Variants in CHD3 observed in about 807,000 individuals in gnomAD.
CHD3 encodes ATP-dependent chromatin remodeler CHD3.
A neutral mutation model predicts 248.9 loss-of-function variants in CHD3; 52 were observed. The ratio of observed to expected loss-of-function variants is 0.21; its 90% CI spans 0.17 to 0.26. CHD3 has a LOEUF of 0.26. Among genes scored for constraint, CHD3 ranks in the 10% least tolerant of loss-of-function variants. CHD3 has a pLI of 1.00. For missense variants in CHD3, 1,482 were observed against 2,605.8 expected, an observed-to-expected ratio of 0.57 and a Z score of 9.39; for synonymous variants, 985 against 985.2, an observed-to-expected ratio of 1.00 and a Z score of 0.00.
At chr17:7,887,153 C>A (rs1479938149), upstream of CHD3, among the ~76,000 whole-genome samples, 2 of 152,044 alleles carry the variant, frequency 1.3e-5, no homozygotes, top group African/African-American at 4.8e-5. Context: ...AAAGAACCCT[C>A]CTCTAAGGAA....
chr17:7,898,210 C>T, intron 12 of CHD3, 108 bp downstream of exon 12: 2 of 1,344,634 alleles, frequency 1.5e-6, no homozygotes, highest in Non-Finnish European at 2.1e-6. Context: ...ACCTGGAGTT[C>T]AGGGCAATGG....
Position 7,906,268 on chromosome 17 carries a change from C to T in CHD3, c.4358+279C>T, listed in dbSNP as rs1412545290. The T allele has an allele frequency of 2.9e-6, 2 of 699,012 alleles. No individual in the cohort carries two copies. Among genetic ancestry groups the T allele is most frequent in the Admixed American group, 4.1e-5 (2 of 48,658 alleles). The allele number at this position is 699,012 out of a possible 1,614,324, so 43.3% of individuals were successfully genotyped here. A position where few individuals can be genotyped will look rare whatever the true frequency, so the allele number is the denominator to read the frequency against. ...TGTCCTAGCCTCACATTTACTTGACCACAATAACCTGGCAGGAGGAGCTGG... is the reference window on the plus strand; with the variant it reads ...TGTCCTAGCCTCACATTTACTTGACTACAATAACCTGGCAGGAGGAGCTGG... On this transcript the variant is annotated intron_variant, in intron 28 of 39. Transcript: ENST00000330494. This position sits in a 1 kb window ranked among gnomAD's most constrained non-coding sequence, Gnocchi z 5.0.
chr17:7,885,170 G>A, upstream of CHD3: 1 of 980,900 alleles, frequency 1.0e-6, no homozygotes, highest in Non-Finnish European at 1.2e-6. Flanking sequence ...CCCACCGCGC[G>A]GCCGAGCCGA....
Position 7,893,565 on chromosome 17 carries a change from C to G in CHD3, c.789C>G (p.Gly263=). The G allele has an allele frequency of 6.4e-7, 1 of 1,556,210 alleles. No homozygotes were observed. The highest frequency in any genetic ancestry group is 1.2e-5 in the South Asian group (1 of 85,156). Residue 263 remains glycine, a synonymous_variant, in exon 5 of 40, where the codon GGC becomes GGG. Coordinates refer to ENST00000330494, the MANE Select transcript of CHD3 (RefSeq NM_001005273.3). ...TCCGAAGAGCCAAAACCAAAGAGGGCAAAGGTAGGGAACTCTCTTCCAACA... is the reference window on the plus strand; with the variant it reads ...TCCGAAGAGCCAAAACCAAAGAGGGGAAAGGTAGGGAACTCTCTTCCAACA... ...PPIRRAKTKE[G]KGPGHKRRSK...
rs1968472369 is a variant in CHD3, at chr17:7,889,284, G to C, written c.100+184G>C. Among the ~76,000 whole-genome samples the C allele has an allele frequency of 6.6e-6, 1 of 152,272 alleles. No individual in the cohort carries two copies. Among genetic ancestry groups the C allele is most frequent in the Non-Finnish European group, 1.5e-5 (1 of 68,040 alleles). ...CTGGGGTCAGGCCAGGCCAGCAGCTGGGCATGGCTTCCCCAGTTCCTGGGC... is the reference window on the plus strand; with the variant it reads ...CTGGGGTCAGGCCAGGCCAGCAGCTCGGCATGGCTTCCCCAGTTCCTGGGC... On this transcript the variant is annotated intron_variant, in intron 1 of 39. Transcript: ENST00000330494. This position sits in a 1 kb window ranked among gnomAD's most constrained non-coding sequence, Gnocchi z 4.5.
upstream of CHD3, among the ~76,000 whole-genome samples, chr17:7,887,693 G>C (rs2151436007): frequency 6.6e-6 from 1 of 152,256 alleles, no homozygotes; most frequent in African/African-American, 2.4e-5. Flanking sequence ...GCGAGGCTTC[G>C]GCCGAGACTC....
rs761018482 is a variant in CHD3, at chr17:7,893,794, T to G, written c.794-11T>G. The G allele has an allele frequency of 1.9e-6, 3 of 1,612,842 alleles. No homozygotes were observed. Among genetic ancestry groups the G allele is most frequent in the East Asian group, 4.5e-5 (2 of 44,848 alleles). Reference sequence around the variant, plus strand: ...TCCTTTTTCCTCTTCTCACCCCGACTCCTCATTCAGGTCCAGGCCATAAGA... The same window carrying G: ...TCCTTTTTCCTCTTCTCACCCCGACGCCTCATTCAGGTCCAGGCCATAAGA... On this transcript the variant is annotated splice_polypyrimidine_tract_variant and intron_variant, in intron 5 of 39. Coordinates refer to ENST00000330494, the MANE Select transcript of CHD3 (RefSeq NM_001005273.3).
At position 7,910,450 on chromosome 17, in the gene CHD3, G is replaced by A. The variant is rs757915205; in HGVS notation, c.5613G>A (p.Leu1871=). 2 of 1,614,046 alleles carry A rather than the reference G, an allele frequency of 1.2e-6. No individual in the cohort carries two copies. The highest frequency in any genetic ancestry group is 2.2e-5 in the East Asian group (1 of 44,874). Residue 1871 remains leucine (L), a synonymous_variant, in exon 38 of 40, where the codon TTG becomes TTA. Coordinates refer to ENST00000330494, the MANE Select transcript of CHD3 (RefSeq NM_001005273.3). The surrounding 1 kb of genome is among the most constrained non-coding windows in gnomAD (Gnocchi z 4.7). ...LHKVLNQLEE[L]LSDMKADVTR... ...CAGTTCTGAACCAGCTGGAGGAGTT[G>A]CTGAGCGACATGAAGGCGGACGTGA... is the stretch of plus-strand genomic sequence containing the variant.
chr17:7,903,248 C>T lies in CHD3; in HGVS notation c.3496-24C>T, dbSNP rs370123471. 1.0e-4 allele frequency: 169 copies of T among 1,610,042 alleles called. No individual in the cohort carries two copies. The highest frequency in any genetic ancestry group is 3.6e-4 in the Middle Eastern group (2 of 5,614). On this transcript the variant is annotated intron_variant, in intron 22 of 39. Coordinates refer to ENST00000330494, the MANE Select transcript of CHD3 (RefSeq NM_001005273.3). This position sits in a 1 kb window ranked among gnomAD's most constrained non-coding sequence, Gnocchi z 6.8. ...TCCCCGGCCACTCCCCTGACCCACC[C>T]GCCACTTTCTCTTGCCCCTGCAGGC...
intron 4 of CHD3, among the ~76,000 whole-genome samples, chr17:7,891,974 AT>A (rs1488467475): frequency 1.3e-5 from 2 of 151,858 alleles, no homozygotes; most frequent in African/African-American, 4.8e-5. Flanking sequence ...ATCTGGTTAC[AT>A]TTTGGGCAAG....
chr17:7,887,007 G>C (rs1968065133), upstream of CHD3, among the ~76,000 whole-genome samples: 1 of 152,032 alleles, frequency 6.6e-6, no homozygotes, highest in African/African-American at 2.4e-5. Flanking sequence ...CTCCCCCTGG[G>C]CAATTTTTAT....
Position 7,907,587 on chromosome 17 carries a change from A to G in CHD3, c.4925-14A>G, listed in dbSNP as rs1178173648. On this transcript the variant is annotated splice_polypyrimidine_tract_variant and intron_variant, in intron 32 of 39. Coordinates refer to ENST00000330494, the MANE Select transcript of CHD3 (RefSeq NM_001005273.3). This position sits in a 1 kb window ranked among gnomAD's most constrained non-coding sequence, Gnocchi z 4.3. Reference sequence around the variant, plus strand: ...GTAACATCCTCCCTTCCTATCCCCTACCCCCTCCCACAGCCACAGAGTCGA... The same window carrying G: ...GTAACATCCTCCCTTCCTATCCCCTGCCCCCTCCCACAGCCACAGAGTCGA... The G allele has an allele frequency of 4.0e-6, 6 of 1,507,208 alleles. No homozygotes were observed. In the East Asian group the frequency reaches 1.4e-4, roughly 35 times the overall value. The allele number at this position is 1,507,208 out of a possible 1,614,324, so 93.4% of individuals were successfully genotyped here.
rs1971066455 is a variant in CHD3 at position 7,907,124 on chromosome 17, A to G, written c.4667-2A>G. 1 of 1,614,094 alleles carries G rather than the reference A, an allele frequency of 6.2e-7. No individual in the cohort carries two copies. Among genetic ancestry groups the G allele is most frequent in the African/African-American group, 1.3e-5 (1 of 74,934 alleles). ...TCTTTATCACTGTGCCTTCCCCTGC[A>G]GCTACTCCAGCTCCAAGTGAGAAAG... On this transcript the variant is annotated splice_acceptor_variant, in intron 30 of 39. Coordinates refer to ENST00000330494, the MANE Select transcript of CHD3 (RefSeq NM_001005273.3). LOFTEE classifies it high-confidence loss of function. The surrounding 1 kb of genome is among the most constrained non-coding windows in gnomAD (Gnocchi z 4.3).
rs1449079391 is a variant in CHD3 at position 7,901,321 on chromosome 17, G to A, written c.3198G>A (p.Gln1066=). 6.2e-7 allele frequency: 1 copy of A among 1,614,012 alleles called. No individual in the cohort carries two copies. The highest frequency in any genetic ancestry group is 8.5e-7 in the Non-Finnish European group (1 of 1,179,914). Residue 1066 remains glutamine, a synonymous_variant, in exon 20 of 40, where the codon CAG becomes CAA. Transcript: ENST00000330494. ...IKSSGKLMLL[Q]KMLRKLKEQG... is the part of the protein sequence containing the mutation. ...CGTCTGGGAAGCTCATGCTGCTCCA[G>A]AAGATGCTGCGAAAGCTGAAGGAGC...
At chr17:7,891,128 C>A in intron 4 of CHD3, 64 bp downstream of exon 4, 1 of 1,574,202 alleles carries the variant, frequency 6.4e-7, no homozygotes. Flanking sequence ...TCCTGGACCC[C>A]TTGGAATCTG....
In CHD3 at chr17:7,906,233, T is replaced by C; in HGVS notation, c.4358+244T>C. The C allele has an allele frequency of 1.3e-6, 1 of 757,550 alleles. No individual in the cohort carries two copies. The highest frequency in any genetic ancestry group is 2.4e-6 in the Non-Finnish European group (1 of 418,266). 46.9% of individuals were successfully genotyped at this position (757,550 alleles called of 1,614,324 possible). ...GGGAGGGGCGTTGAAGCAAGGAGCC[T>C]CTCCTGGGCTGTCCTAGCCTCACAT... On this transcript the variant is annotated intron_variant, in intron 28 of 39. Transcript: ENST00000330494. The surrounding 1 kb of genome is among the most constrained non-coding windows in gnomAD (Gnocchi z 5.0).
chr17:7,907,342 T>C lies in CHD3; in HGVS notation c.4789-11T>C. On this transcript the variant is annotated splice_polypyrimidine_tract_variant and intron_variant, in intron 31 of 39. Transcript: ENST00000330494. The surrounding 1 kb of genome is among the most constrained non-coding windows in gnomAD (Gnocchi z 4.3). ...CCTCTGGCTCATCCTGACCCCATTG[T>C]CCTCTTCCAGGCTGATGCCCCCAGC... 1.9e-6 allele frequency: 3 copies of C among 1,608,042 alleles called. No homozygotes were observed. Among genetic ancestry groups the C allele is most frequent in the Non-Finnish European group, 2.5e-6 (3 of 1,176,792 alleles).
rs1968579231 is a variant in CHD3, at chr17:7,889,893, C to G, written c.213+117C>G. The G allele has an allele frequency of 2.9e-6, 3 of 1,019,642 alleles. No individual in the cohort carries two copies. In the East Asian group the frequency reaches 7.8e-5, roughly 27 times the overall value. The allele number at this position is 1,019,642 out of a possible 1,614,324, so 63.2% of individuals were successfully genotyped here. A position where few individuals can be genotyped will look rare whatever the true frequency, so the allele number is the denominator to read the frequency against. ...GGGTGGGGTTCTGAAGCCAGGGAGG[C>G]TTGATCCCCCGGGCCCCCCACTTCC... On this transcript the variant is annotated intron_variant, in intron 2 of 39. Coordinates refer to ENST00000330494, the MANE Select transcript of CHD3 (RefSeq NM_001005273.3). The surrounding 1 kb of genome is among the most constrained non-coding windows in gnomAD (Gnocchi z 4.5).
chr17:7,894,512 T>A lies in CHD3; in HGVS notation c.1173T>A (p.Ile391=), dbSNP rs772286724. 6.2e-7 allele frequency: 1 copy of A among 1,614,030 alleles called. No homozygotes were observed. Among genetic ancestry groups the A allele is most frequent in the East Asian group, 2.2e-5 (1 of 44,870 alleles). ...AGGTGTGCCAGCAGGGTGGGGAAAT[T>A]ATTCTGTGTGACACCTGCCCTCGTG... is the stretch of plus-strand genomic sequence containing the variant. ...YCEVCQQGGE[I]ILCDTCPRAY... Residue 391 remains isoleucine (I), a synonymous_variant, in exon 8 of 40, where the codon ATT becomes ATA. Transcript: ENST00000330494.
Sources: allele counts gnomAD v4.1 joint callset (sites outside exome capture counted in the v4.1 genomes callset), GRCh38; gene constraint gnomAD v4.1.1; non-coding constraint Gnocchi (gnomAD v3.1); transcripts MANE v1.5; gene names NCBI Gene and HGNC (gene_info 2026-07-23, HGNC 2026-07-21).